The following JAZF1 variants were observed in gnomAD, a reference collection of about 807,000 sequenced individuals.
JAZF1 encodes JAZF zinc finger 1, also known as juxtaposed with another zinc finger protein 1.
A neutral mutation model predicts 26.4 loss-of-function variants in JAZF1; 8 were observed. The ratio of observed to expected loss-of-function variants is 0.30; its 90% CI spans 0.18 to 0.55. JAZF1 has a LOEUF of 0.55. Ranked by LOEUF, JAZF1 falls within the 20% of genes least tolerant of loss-of-function variation. JAZF1 has a pLI of 0.94. For missense variants in JAZF1, 199 were observed against 322.0 expected (o/e 0.62, Z 2.92); for synonymous variants, 126 against 122.3 (o/e 1.03, Z -0.20).
At chr7:27,991,002 G>T (rs538735170) in intron 2 of JAZF1, among the ~76,000 whole-genome samples, 16 of 152,258 alleles carry the variant, frequency 1.1e-4, no homozygotes, top group Middle Eastern at 3.4e-3. Flanking sequence ...AACAACAGGT[G>T]TCTCTAATTC....
chr7:27,981,557 T>C (rs1415197580), intron 2 of JAZF1, among the ~76,000 whole-genome samples: 1 of 152,166 alleles, frequency 6.6e-6, no homozygotes, highest in Non-Finnish European at 1.5e-5. Context: ...GATTATGAAG[T>C]AGTATGTACA....
At chr7:27,963,014 A>T (rs1785210367) in intron 2 of JAZF1, among the ~76,000 whole-genome samples, 1 of 152,218 alleles carries the variant, frequency 6.6e-6, no homozygotes, top group African/African-American at 2.4e-5. Context: ...TCACCTGTTT[A>T]ATAAACTCAG....
chr7:27,836,097 A>G (rs949962333), intron 4 of JAZF1, among the ~76,000 whole-genome samples: 16 of 152,228 alleles, frequency 1.1e-4, no homozygotes, highest in African/African-American at 3.9e-4. Flanking sequence ...TGTCCAATCC[A>G]TAGTCCATAT....
intron 1 of JAZF1, among the ~76,000 whole-genome samples, chr7:28,147,156 A>AT (rs11455969): frequency 0.4 from 59,878 of 151,230 alleles, 13,176 homozygotes; most frequent in Non-Finnish European, 0.5. Flanking sequence ...CAGAATTCTG[A>AT]TTTTTTTTGG....
At chr7:28,035,475 T>C (rs1686039749) in intron 1 of JAZF1, among the ~76,000 whole-genome samples, 1 of 151,946 alleles carries the variant, frequency 6.6e-6, no homozygotes. Flanking sequence ...GAGAGTATCA[T>C]CAAAAATAAA....
chr7:28,030,688 A>G (rs1783174316), intron 1 of JAZF1, among the ~76,000 whole-genome samples: 1 of 152,254 alleles, frequency 6.6e-6, no homozygotes, highest in Non-Finnish European at 1.5e-5. Flanking sequence ...TGTGAAGTAC[A>G]GGTCGTCAGT....
intron 4 of JAZF1, among the ~76,000 whole-genome samples, chr7:27,834,044 C>T (rs1277604574): frequency 6.6e-6 from 1 of 152,134 alleles, no homozygotes; most frequent in Non-Finnish European, 1.5e-5. Context: ...GAGCTGTTTC[C>T]TAAAATATTA....
chr7:28,052,801 G>A (rs1382270665), intron 1 of JAZF1, among the ~76,000 whole-genome samples: 3 of 148,954 alleles, frequency 2.0e-5, no homozygotes, highest in East Asian at 1.9e-4. Context: ...AAGAAACAGC[G>A]ACAAGTATGG....
intron 2 of JAZF1, among the ~76,000 whole-genome samples, chr7:27,988,223 T>C (rs1384028394): frequency 1.3e-5 from 2 of 151,920 alleles, no homozygotes; most frequent in East Asian, 3.9e-4. Context: ...GATTCTAATC[T>C]CTGTGGATGG....
At chr7:28,172,167 T>C (rs1466788651) in intron 1 of JAZF1, among the ~76,000 whole-genome samples, 1 of 152,248 alleles carries the variant, frequency 6.6e-6, no homozygotes, top group Non-Finnish European at 1.5e-5. Flanking sequence ...CTTATATTCA[T>C]ATCATTTTCC....
intron 3 of JAZF1, among the ~76,000 whole-genome samples, chr7:27,853,391 C>T (rs1304731981): frequency 6.6e-6 from 1 of 152,176 alleles, no homozygotes; most frequent in Non-Finnish European, 1.5e-5. Flanking sequence ...TTTCTTCCCA[C>T]ATCCAGGGCT....
At chr7:28,171,122 G>A (rs1227900876) in intron 1 of JAZF1, among the ~76,000 whole-genome samples, 10 of 152,188 alleles carry the variant, frequency 6.6e-5, no homozygotes, top group African/African-American at 2.4e-4. Context: ...ATTCTGTATA[G>A]CTTCACAGTC....
At chr7:28,008,933 T>C (rs1782748621) in intron 1 of JAZF1, among the ~76,000 whole-genome samples, 1 of 152,198 alleles carries the variant, frequency 6.6e-6, no homozygotes, top group Non-Finnish European at 1.5e-5. Flanking sequence ...AAAACCAAGA[T>C]ACATTTAAAT....
chr7:27,943,760 T>C (rs1784884530), intron 2 of JAZF1, among the ~76,000 whole-genome samples: 1 of 152,176 alleles, frequency 6.6e-6, no homozygotes, highest in Non-Finnish European at 1.5e-5. Flanking sequence ...TAATTGTCAT[T>C]TGGGGTGAGC....
rs1052996162 is a variant in JAZF1 at position 28,176,382 on chromosome 7, G to A, written c.115+4081C>T. Among the ~76,000 whole-genome samples the A allele has an allele frequency of 2.0e-5, 3 of 152,286 alleles. No homozygotes were observed. The South Asian group carries it at 6.2e-4, about 32-fold the overall frequency. On this transcript the variant is annotated intron_variant, in intron 1 of 4. Coordinates refer to ENST00000283928, the MANE Select transcript of JAZF1 (RefSeq NM_175061.4). ...GCCTTGGGGCCTGTGTACTGCCTGCGCCCAGAATGTCCTCATGACTAACTC... is the reference window on the plus strand; with the variant it reads ...GCCTTGGGGCCTGTGTACTGCCTGCACCCAGAATGTCCTCATGACTAACTC...
At chr7:28,103,125 C>T (rs1712852716) in intron 1 of JAZF1, among the ~76,000 whole-genome samples, 1 of 152,186 alleles carries the variant, frequency 6.6e-6, no homozygotes, top group Non-Finnish European at 1.5e-5. Flanking sequence ...AGGTCACTCC[C>T]TCCTGGCTTT....
At chr7:27,852,500 T>TTGCA (rs1181522361) in intron 3 of JAZF1, among the ~76,000 whole-genome samples, 1 of 152,114 alleles carries the variant, frequency 6.6e-6, no homozygotes, top group Non-Finnish European at 1.5e-5. Flanking sequence ...TCCCTCAGTG[T>TTGCA]GGCCAGCCCT....
intron 1 of JAZF1, among the ~76,000 whole-genome samples, chr7:27,997,418 C>G (rs1786039096): frequency 6.6e-6 from 1 of 152,184 alleles, no homozygotes; most frequent in Admixed American, 6.5e-5. Context: ...GGATTCTTCT[C>G]TGATTCAGTT....
chr7:27,910,179 G>A (rs933575468), intron 2 of JAZF1, among the ~76,000 whole-genome samples: 3 of 152,196 alleles, frequency 2.0e-5, no homozygotes, highest in South Asian at 2.1e-4. Flanking sequence ...GCACAGTATA[G>A]TGAGATTTTG....
Sources: gnomAD v4.1 joint callset for allele counts (sites outside exome capture counted in the v4.1 genomes callset) on GRCh38, gnomAD v4.1.1 for gene constraint, MANE v1.5 for transcripts, NCBI Gene and HGNC (gene_info 2026-07-23, HGNC 2026-07-21) for gene names.